The following SPON1 variants were observed in gnomAD, a reference collection of about 807,000 sequenced individuals.
SPON1 encodes spondin-1.
Under a neutral mutation model 111.7 loss-of-function variants are expected in SPON1, and 52 were observed. The ratio of observed to expected loss-of-function variants is 0.47; its 90% CI spans 0.37 to 0.59. SPON1 has a LOEUF of 0.59. Among genes scored for constraint, SPON1 ranks in the 20% least tolerant of loss-of-function variants. The pLI, the probability that SPON1 is intolerant of heterozygous loss-of-function variation, is 0.00. For missense variants in SPON1, 957 were observed against 1,068.5 expected (o/e 0.90, Z 1.46); for synonymous variants, 410 against 395.8 (o/e 1.04, Z -0.43).
intron 6 of SPON1, among the ~76,000 whole-genome samples, chr11:14,146,445 T>C (rs1554929352): frequency 1.3e-5 from 2 of 152,120 alleles, no homozygotes; most frequent in Admixed American, 6.5e-5. Context: ...CCACCACACC[T>C]GGCCTACTGT....
At chr11:14,200,642 C>T (rs1009856022) in intron 6 of SPON1, among the ~76,000 whole-genome samples, 8 of 151,750 alleles carry the variant, frequency 5.3e-5, no homozygotes, top group East Asian at 1.9e-4. Context: ...GGGGAAACCC[C>T]GTCTCTGCTA....
chr11:14,251,439 G>T (rs1330529531), intron 7 of SPON1, among the ~76,000 whole-genome samples: 3 of 152,194 alleles, frequency 2.0e-5, no homozygotes, highest in Non-Finnish European at 4.4e-5. Context: ...CAAGGCCTTG[G>T]TCTCAGATGG....
At chr11:14,082,976 A>G (rs1848975657) in intron 5 of SPON1, among the ~76,000 whole-genome samples, 1 of 152,180 alleles carries the variant, frequency 6.6e-6, no homozygotes, top group Non-Finnish European at 1.5e-5. Flanking sequence ...TGTATGCTTA[A>G]AAAATCTTTG....
At chr11:14,242,254 A>G (rs1554939765) in intron 6 of SPON1, among the ~76,000 whole-genome samples, 1 of 152,156 alleles carries the variant, frequency 6.6e-6, no homozygotes, top group African/African-American at 2.4e-5. Context: ...AATGCATTCT[A>G]ACTGCATTCT....
chr11:13,993,308 T>G (rs1460701787), intron 2 of SPON1, among the ~76,000 whole-genome samples: 1 of 151,770 alleles, frequency 6.6e-6, no homozygotes, highest in Non-Finnish European at 1.5e-5. Flanking sequence ...AACAGCGGGT[T>G]CCAGCACAAC....
At chr11:14,048,904 C>T (rs1349537954) in intron 3 of SPON1, among the ~76,000 whole-genome samples, 7 of 152,106 alleles carry the variant, frequency 4.6e-5, no homozygotes, top group Admixed American at 3.9e-4. Context: ...GTAGATCATC[C>T]GTCTCCTGAG....
At chr11:14,225,462 A>G (rs1848727570) in intron 6 of SPON1, among the ~76,000 whole-genome samples, 1 of 152,148 alleles carries the variant, frequency 6.6e-6, no homozygotes, top group South Asian at 2.1e-4. Flanking sequence ...TAGAAATGGG[A>G]GGGGAGGTTG....
chr11:14,199,603 A>G (rs191589246), intron 6 of SPON1, among the ~76,000 whole-genome samples: 54 of 152,252 alleles, frequency 3.5e-4, no homozygotes, highest in Middle Eastern at 3.4e-3. Flanking sequence ...TACTATAACT[A>G]GAAAGGGCTT....
chr11:14,240,222 A>G (rs1489362937), intron 6 of SPON1, among the ~76,000 whole-genome samples: 2 of 152,246 alleles, frequency 1.3e-5, no homozygotes, highest in Non-Finnish European at 2.9e-5. Flanking sequence ...TGATATGGCC[A>G]TGAATGAGCA....
chr11:14,015,029 G>C (rs10832156), intron 2 of SPON1, among the ~76,000 whole-genome samples: 47,337 of 151,972 alleles, frequency 0.31, 8,267 homozygotes, highest in South Asian at 0.51. Context: ...TAACAGAATT[G>C]TGGGCAGGCC....
chr11:14,256,669 T>G lies in SPON1; in HGVS notation c.1286T>G (p.Leu429Arg). Residue 429 changes from leucine (L) to arginine (R), a missense_variant, in exon 10 of 16, where the codon CTG (leucine) becomes CGG (arginine). This residue lies in a region of SPON1 where 549 missense variants were observed against 606.2 expected (regional missense o/e 0.91). Transcript: ENST00000576479. ...AATGTCGATGATATTGTAGCTGACC[T>G]GGCTCCAGAAGAGAAAGATGAAGGT... The part of the protein sequence containing the change: ...PDNVDDIVAD[L>R]APEEKDEDDT... 1.9e-6 allele frequency: 3 copies of G among 1,613,796 alleles called. No individual in the cohort carries two copies. Among genetic ancestry groups the G allele is most frequent in the Non-Finnish European group, 2.5e-6 (3 of 1,179,748 alleles).
intron 2 of SPON1, among the ~76,000 whole-genome samples, chr11:14,005,446 G>A (rs1383920295): frequency 3.3e-5 from 5 of 152,240 alleles, no homozygotes; most frequent in South Asian, 2.1e-4. Context: ...AGACTCATCC[G>A]TTCCATGGCT....
At position 14,135,886 on chromosome 11, in the gene SPON1, T is replaced by G. The variant is rs1198141157; in HGVS notation, c.825+318T>G. ...GAATTAAGGTTTTCTTACTGTGATC[T>G]TTGAGAGGGTCAGAGGAGTAATAGT... On this transcript the variant is annotated intron_variant, in intron 6 of 15. Coordinates refer to ENST00000576479, the MANE Select transcript of SPON1 (RefSeq NM_006108.4). This position sits in a 1 kb window ranked among gnomAD's most constrained non-coding sequence, Gnocchi z 4.4. 6.6e-6 allele frequency among the ~76,000 whole-genome samples: 1 copy of G among 152,206 alleles called. No individual in the cohort carries two copies. The highest frequency in any genetic ancestry group is 1.5e-5 in the Non-Finnish European group (1 of 68,040).
At chr11:14,194,949 G>C (rs1848384719) in intron 6 of SPON1, among the ~76,000 whole-genome samples, 1 of 152,174 alleles carries the variant, frequency 6.6e-6, no homozygotes, top group South Asian at 2.1e-4. Flanking sequence ...GAAAATGCTA[G>C]AGGGGGCAGT....
chr11:14,150,297 A>G (rs1181365264), intron 6 of SPON1, among the ~76,000 whole-genome samples: 3 of 152,012 alleles, frequency 2.0e-5, no homozygotes, highest in African/African-American at 7.3e-5. Context: ...GGAGTGTGGA[A>G]TAGTGGTTAC....
At chr11:14,099,050 C>A (rs1328594447) in intron 5 of SPON1, among the ~76,000 whole-genome samples, 1 of 152,104 alleles carries the variant, frequency 6.6e-6, no homozygotes, top group Non-Finnish European at 1.5e-5. Flanking sequence ...AAGAATTATC[C>A]ACACACATTG....
intron 6 of SPON1, among the ~76,000 whole-genome samples, chr11:14,196,779 G>C (rs1423273309): frequency 1.3e-5 from 2 of 152,184 alleles, no homozygotes; most frequent in African/African-American, 4.8e-5. Flanking sequence ...GCCAGGCATG[G>C]CAGCTCATGC....
intron 2 of SPON1, among the ~76,000 whole-genome samples, chr11:14,029,334 G>T (rs1291280544): frequency 6.6e-6 from 1 of 152,056 alleles, no homozygotes; most frequent in Admixed American, 6.6e-5. Context: ...GAGCAAGCGG[G>T]ACACGAGAAT....
intron 5 of SPON1, among the ~76,000 whole-genome samples, chr11:14,114,711 C>T (rs891259770): frequency 6.6e-6 from 1 of 152,176 alleles, no homozygotes; most frequent in Non-Finnish European, 1.5e-5. Flanking sequence ...TCTGTATTGG[C>T]GGCCCTCCTC....
Sources: allele counts gnomAD v4.1 joint callset (sites outside exome capture counted in the v4.1 genomes callset), GRCh38; gene constraint gnomAD v4.1.1; regional missense constraint gnomAD v4.1.1; non-coding constraint Gnocchi (gnomAD v3.1); transcripts MANE v1.5; gene names NCBI Gene and HGNC (gene_info 2026-07-23, HGNC 2026-07-21).